Variants in EDA observed in about 807,000 individuals in gnomAD.
EDA encodes the protein ectodysplasin-A.
Under a neutral mutation model 23.6 loss-of-function variants are expected in EDA, and 2 were observed. The ratio of observed to expected loss-of-function variants is 0.08; its 90% CI spans 0.03 to 0.27. The LOEUF (loss-of-function observed/expected upper bound fraction) is 0.27. Among genes scored for constraint, EDA ranks in the 10% least tolerant of loss-of-function variants. EDA has a pLI of 1.00. For synonymous variants in EDA, 131 were observed against 132.0 expected, an observed-to-expected ratio of 0.99 and a Z score of 0.05; for missense variants, 229 against 324.2, an observed-to-expected ratio of 0.71 and a Z score of 2.26.
intron 1 of EDA, among the ~76,000 whole-genome samples, chrX:69,913,286 T>C (rs985571920): frequency 7.1e-5 from 8 of 112,669 alleles, no homozygotes; most frequent in Non-Finnish European, 1.3e-4. Flanking sequence ...GAAAATCTGA[T>C]GTTTAATGTA....
rs191019837 is a variant in EDA, at chrX:69,626,462, C to T, written c.396+9758C>T. On this transcript the variant is annotated intron_variant, in intron 1 of 7. Coordinates refer to ENST00000374552, the MANE Select transcript of EDA (RefSeq NM_001399.5). ...TTCTATACAATGCAATATTTTTCAG[C>T]CATTAAAAGGAATGAATTATGAATA... Among the ~76,000 whole-genome samples the T allele has an allele frequency of 3.6e-5, 4 of 111,741 alleles. No individual in the cohort carries two copies. In the East Asian group the frequency reaches 1.1e-3, roughly 31 times the overall value.
At chrX:69,817,917 A>G (rs748164479) in intron 1 of EDA, among the ~76,000 whole-genome samples, 2 of 112,245 alleles carry the variant, frequency 1.8e-5, no homozygotes, top group Admixed American at 1.9e-4. Context: ...ACAACAGAGT[A>G]TACATTCTTC....
chrX:69,761,613 A>G (rs754898962), intron 1 of EDA, among the ~76,000 whole-genome samples: 34 of 112,022 alleles, frequency 3.0e-4, no homozygotes, highest in African/African-American at 1.0e-3. Context: ...TATCAGGACA[A>G]GGTTAGAGTT....
chrX:69,695,054 T>C (rs191514412), intron 1 of EDA, among the ~76,000 whole-genome samples: 1 of 112,291 alleles, frequency 8.9e-6, no homozygotes, highest in South Asian at 3.7e-4. Context: ...GCATGGTGGC[T>C]CATGCCTGTA....
At chrX:69,736,520 A>T (rs1209090037) in intron 1 of EDA, among the ~76,000 whole-genome samples, 3 of 108,495 alleles carry the variant, frequency 2.8e-5, no homozygotes, top group Non-Finnish European at 5.7e-5. Context: ...GTAGAGACGA[A>T]GTTTCTCCGT....
At chrX:69,849,061 A>C (rs2017064684) in intron 1 of EDA, among the ~76,000 whole-genome samples, 1 of 106,343 alleles carries the variant, frequency 9.4e-6, no homozygotes, top group African/African-American at 3.4e-5. Context: ...ATAGTTTAAT[A>C]TAATGCACAC....
Position 70,035,965 on chromosome X carries a change from A to C in EDA, c.*356A>C, listed in dbSNP as rs2020262370. Reference sequence around the variant, plus strand: ...CCAGGGCAGCAGGCCAGAGAAAGCAAAGGTGCACTCCAGACTCTGGGGGTG... The same window carrying C: ...CCAGGGCAGCAGGCCAGAGAAAGCACAGGTGCACTCCAGACTCTGGGGGTG... On this transcript the variant is annotated 3_prime_UTR_variant, in exon 8 of 8. Coordinates refer to ENST00000374552, the MANE Select transcript of EDA (RefSeq NM_001399.5). 3.9e-6 allele frequency: 1 copy of C among 259,527 alleles called. No homozygotes were observed. Among genetic ancestry groups the C allele is most frequent in the Non-Finnish European group, 6.8e-6 (1 of 146,212 alleles). The allele number at this position is 259,527 out of a possible 1,213,427, so 21.4% of individuals were successfully genotyped here. A position where few individuals can be genotyped will look rare whatever the true frequency, so the allele number is the denominator to read the frequency against.
At chrX:69,921,271 A>T (rs1005231242) in intron 1 of EDA, among the ~76,000 whole-genome samples, 1 of 111,574 alleles carries the variant, frequency 9.0e-6, no homozygotes, top group African/African-American at 3.3e-5. Flanking sequence ...ACAAAACAAG[A>T]TCTGAGTGCT....
At chrX:69,895,212 A>T (rs1479358534) in intron 1 of EDA, among the ~76,000 whole-genome samples, 1 of 111,249 alleles carries the variant, frequency 9.0e-6, no homozygotes, top group Non-Finnish European at 1.9e-5. Context: ...AATCGCATTT[A>T]TTGATTTGCA....
chrX:69,823,095 A>G (rs1454383963), intron 1 of EDA, among the ~76,000 whole-genome samples: 4 of 94,122 alleles, frequency 4.2e-5, no homozygotes, highest in Non-Finnish European at 8.4e-5. Flanking sequence ...CCAGTCTATC[A>G]TTGTTGGACA....
At chrX:69,886,088 C>T (rs895261092) in intron 1 of EDA, among the ~76,000 whole-genome samples, 15 of 112,163 alleles carry the variant, frequency 1.3e-4, no homozygotes, top group African/African-American at 4.5e-4. Flanking sequence ...TTCAGCCTCA[C>T]CCAGCTTTGG....
chrX:69,766,198 C>G (rs1569323750), intron 1 of EDA, among the ~76,000 whole-genome samples: 1 of 111,811 alleles, frequency 8.9e-6, no homozygotes, highest in African/African-American at 3.3e-5. Flanking sequence ...GTTGAGCCCA[C>G]ACATTGAGTT....
intron 1 of EDA, among the ~76,000 whole-genome samples, chrX:69,833,588 C>T (rs1421108102): frequency 9.1e-6 from 1 of 109,895 alleles, no homozygotes; most frequent in African/African-American, 3.3e-5. Context: ...CCCTCTTTTT[C>T]TACTGATTGG....
chrX:69,748,785 C>T (rs1012280986), intron 1 of EDA, among the ~76,000 whole-genome samples: 2 of 111,065 alleles, frequency 1.8e-5, no homozygotes, highest in African/African-American at 6.6e-5. Context: ...TGTAGAGCCT[C>T]CCTCATAAGG....
chrX:69,962,090 A>G (rs1377186464), intron 2 of EDA, among the ~76,000 whole-genome samples: 1 of 112,553 alleles, frequency 8.9e-6, no homozygotes, highest in African/African-American at 3.2e-5. Context: ...TCCATATTTC[A>G]CAAATATTAT....
chrX:69,911,189 C>T (rs1468620947), intron 1 of EDA, among the ~76,000 whole-genome samples: 1 of 111,937 alleles, frequency 8.9e-6, no homozygotes, highest in African/African-American at 3.2e-5. Context: ...ATGTTCAGAA[C>T]TTTTATGTTT....
intron 2 of EDA, among the ~76,000 whole-genome samples, chrX:69,982,322 G>C (rs73226460): frequency 1.1e-4 from 12 of 111,075 alleles, no homozygotes; most frequent in Non-Finnish European, 2.3e-4. Flanking sequence ...TTTCCCTGCC[G>C]CTTACATCTT....
intron 1 of EDA, among the ~76,000 whole-genome samples, chrX:69,705,439 A>G (rs1042489728): frequency 1.8e-5 from 2 of 110,887 alleles, no homozygotes; most frequent in African/African-American, 6.6e-5. Context: ...TAAGGGGCCC[A>G]TTCATCTTTC....
At chrX:69,793,564 G>GTTTTTTTT (rs1362047098) in intron 1 of EDA, among the ~76,000 whole-genome samples, 4 of 32,895 alleles carry the variant, frequency 1.2e-4, no homozygotes, top group African/African-American at 5.1e-4. Context: ...TTGTTTGTTT[G>GTTTTTTTT]TTTTTGTTTT....
Sources: gnomAD v4.1 joint callset for allele counts (sites outside exome capture counted in the v4.1 genomes callset) on GRCh38, gnomAD v4.1.1 for gene constraint, MANE v1.5 for transcripts, NCBI Gene and HGNC (gene_info 2026-07-23, HGNC 2026-07-21) for gene names.